Variants in SH3PXD2A observed in about 807,000 individuals in gnomAD.
The protein encoded by SH3PXD2A is SH3 and PX domain-containing protein 2A.
In SH3PXD2A, 32 loss-of-function variants were observed where a neutral mutation model predicts 115.2. The observed-to-expected ratio is 0.28, with a 90% CI of 0.21 to 0.37. SH3PXD2A has a LOEUF of 0.37. Ranked by LOEUF, SH3PXD2A falls within the 10% of genes least tolerant of loss-of-function variation. The probability of loss-of-function intolerance (pLI) is 1.00; values close to 1 mark genes in which losing one functional copy is unlikely to be tolerated. For missense variants in SH3PXD2A, 1,328 were observed against 1,498.7 expected (o/e 0.89, Z 1.88); for synonymous variants, 610 against 629.1 (o/e 0.97, Z 0.45).
rs60364879 is a variant in SH3PXD2A at position 103,753,317 on chromosome 10, C to CAAAAA, written c.229+13772_229+13776dup. Among the ~76,000 whole-genome samples the CAAAAA allele has an allele frequency of 5.6e-4, 35 of 62,866 alleles. 1 individual carries two copies. Among genetic ancestry groups the CAAAAA allele is most frequent in the African/African-American group, 1.8e-3 (28 of 15,970 alleles). The allele number at this position is 62,866 out of a possible 152,430, so 41.2% of individuals were successfully genotyped here. On this transcript the variant is annotated intron_variant, in intron 3 of 14. Transcript: ENST00000369774. ...CAACATGGTGAAACCCTGCCTCTACCAAAAAAAAAAAAAAAAAAAAAAAAA... is the reference window on the plus strand; with the variant it reads ...CAACATGGTGAAACCCTGCCTCTACCAAAAAAAAAAAAAAAAAAAAAAAAAAAAAA...
Position 103,627,209 on chromosome 10 carries a change from G to C in SH3PXD2A, c.605-7C>G, listed in dbSNP as rs2036711177. 1.9e-6 allele frequency: 3 copies of C among 1,566,530 alleles called. No individual in the cohort carries two copies. The highest frequency in any genetic ancestry group is 2.6e-6 in the Non-Finnish European group (3 of 1,137,060). On this transcript the variant is annotated splice_region_variant and splice_polypyrimidine_tract_variant and intron_variant, in intron 8 of 14. Transcript: ENST00000369774. The surrounding 1 kb of genome is among the most constrained non-coding windows in gnomAD (Gnocchi z 4.4). ...GTGCTCACGAACCACCAGCCTGCAGGGAGGACAAGAGAGAACAGGACTGTG... is the reference window on the plus strand; with the variant it reads ...GTGCTCACGAACCACCAGCCTGCAGCGAGGACAAGAGAGAACAGGACTGTG...
chr10:103,811,285 C>T (rs541442825), intron 1 of SH3PXD2A, among the ~76,000 whole-genome samples: 2 of 152,318 alleles, frequency 1.3e-5, no homozygotes, highest in East Asian at 3.9e-4. Context: ...GAAAAACAGT[C>T]CAAAGAGTCA....
At chr10:103,678,227 T>C in intron 6 of SH3PXD2A, 1 of 1,091,850 alleles carries the variant, frequency 9.2e-7, no homozygotes, top group South Asian at 1.3e-5. Flanking sequence ...AGCCTTTCCT[T>C]ACCCCATCCC....
At chr10:103,822,619 C>A (rs1293198371) in intron 1 of SH3PXD2A, among the ~76,000 whole-genome samples, 1 of 152,252 alleles carries the variant, frequency 6.6e-6, no homozygotes, top group Non-Finnish European at 1.5e-5. Context: ...AGGGCAGCCT[C>A]TTCCCAGGGA....
At chr10:103,831,153 T>A (rs2134303582) in intron 1 of SH3PXD2A, among the ~76,000 whole-genome samples, 1 of 152,384 alleles carries the variant, frequency 6.6e-6, no homozygotes, top group East Asian at 1.9e-4. Context: ...TTTCCATAAA[T>A]AATATTTACA....
chr10:103,845,121 C>T (rs1167077147), intron 1 of SH3PXD2A, among the ~76,000 whole-genome samples: 3 of 151,416 alleles, frequency 2.0e-5, no homozygotes, highest in Non-Finnish European at 4.4e-5. Context: ...GTCAGGAGTT[C>T]GAGATCAGCC....
At chr10:103,750,974 C>A (rs1330183453) in intron 3 of SH3PXD2A, among the ~76,000 whole-genome samples, 2 of 152,182 alleles carry the variant, frequency 1.3e-5, no homozygotes, top group Non-Finnish European at 2.9e-5. Flanking sequence ...GCTGGCACTG[C>A]CGCAGAACAC....
At chr10:103,778,280 C>T (rs965876744) in intron 2 of SH3PXD2A, among the ~76,000 whole-genome samples, 2 of 152,172 alleles carry the variant, frequency 1.3e-5, no homozygotes, top group Non-Finnish European at 2.9e-5. Context: ...TGCAGTGAAC[C>T]GAGATCGTGC....
At chr10:103,743,862 G>A (rs574981778) in intron 3 of SH3PXD2A, among the ~76,000 whole-genome samples, 53 of 152,336 alleles carry the variant, frequency 3.5e-4, no homozygotes, top group Admixed American at 1.0e-3. Flanking sequence ...GAATGGTACA[G>A]TGAGCCTTAT....
chr10:103,664,049 G>T (rs1340139004), intron 7 of SH3PXD2A, among the ~76,000 whole-genome samples: 1 of 152,236 alleles, frequency 6.6e-6, no homozygotes, highest in East Asian at 1.9e-4. Context: ...CAGAGGCAGC[G>T]CCGGGTGCTG....
At chr10:103,685,237 G>A (rs1308149125) in intron 6 of SH3PXD2A, among the ~76,000 whole-genome samples, 2 of 150,942 alleles carry the variant, frequency 1.3e-5, no homozygotes, top group African/African-American at 4.9e-5. Context: ...TACTTGGGAG[G>A]CTGAGGCAGG....
At chr10:103,660,735 G>A (rs1037885482) in intron 8 of SH3PXD2A, among the ~76,000 whole-genome samples, 5 of 152,228 alleles carry the variant, frequency 3.3e-5, no homozygotes, top group African/African-American at 1.2e-4. Context: ...CCCGCGCTGT[G>A]CCTGAAACGT....
chr10:103,632,995 C>T (rs1344988216), intron 8 of SH3PXD2A, among the ~76,000 whole-genome samples: 1 of 151,270 alleles, frequency 6.6e-6, no homozygotes, highest in Non-Finnish European at 1.5e-5. Flanking sequence ...AACAAACCTC[C>T]CCCCGGCCAA....
At chr10:103,767,268 C>G (rs557235493) in intron 2 of SH3PXD2A, 99 bp from the exon 3 acceptor site, 12 of 849,112 alleles carry the variant, frequency 1.4e-5, no homozygotes, top group Non-Finnish European at 2.4e-5. Flanking sequence ...CCCCAGTGTC[C>G]TCACACGGAT....
In SH3PXD2A at chr10:103,596,634, G is replaced by GACACACACAC. The variant is rs768968571; in HGVS notation, c.*5172_*5181dup. The GACACACACAC allele has an allele frequency of 9.2e-4, 101 of 109,390 alleles. No homozygotes were observed. Among genetic ancestry groups the GACACACACAC allele is most frequent in the Middle Eastern group, 4.8e-3 (1 of 210 alleles). The allele number at this position is 109,390 out of a possible 1,614,324, so 6.8% of individuals were successfully genotyped here. A position where few individuals can be genotyped will look rare whatever the true frequency, so the allele number is the denominator to read the frequency against. On this transcript the variant is annotated 3_prime_UTR_variant, in exon 15 of 15. Coordinates refer to ENST00000369774, the MANE Select transcript of SH3PXD2A (RefSeq NM_001394015.1). ...GAAGTTACCAACACTTGCATACACA[G>GACACACACAC]ACACACACACACACACACACACACA...
At chr10:103,692,991 G>A (rs781294332) in intron 6 of SH3PXD2A, 37 bp downstream of exon 6, 9 of 1,581,952 alleles carry the variant, frequency 5.7e-6, no homozygotes, top group South Asian at 1.1e-5. Flanking sequence ...GAAGCGGGAA[G>A]GAAGGCTGAA....
chr10:103,701,231 G>T (rs1388063333), intron 5 of SH3PXD2A, among the ~76,000 whole-genome samples: 6 of 109,696 alleles, frequency 5.5e-5, no homozygotes, highest in Admixed American at 5.0e-4. Flanking sequence ...CTACCATCCA[G>T]CCATCCATCA....
chr10:103,817,995 G>A (rs1402696181), intron 1 of SH3PXD2A, among the ~76,000 whole-genome samples: 1 of 152,154 alleles, frequency 6.6e-6, no homozygotes, highest in African/African-American at 2.4e-5. Context: ...AAATGACTGT[G>A]GTTGAGAGTT....
intron 1 of SH3PXD2A, among the ~76,000 whole-genome samples, chr10:103,801,924 G>T (rs192926178): frequency 6.6e-6 from 1 of 152,230 alleles, no homozygotes; most frequent in South Asian, 2.1e-4. Context: ...GGCTGGTCTC[G>T]AACTCCTGAC....
Sources: allele counts gnomAD v4.1 joint callset (sites outside exome capture counted in the v4.1 genomes callset), GRCh38; gene constraint gnomAD v4.1.1; non-coding constraint Gnocchi (gnomAD v3.1); transcripts MANE v1.5; gene names NCBI Gene and HGNC (gene_info 2026-07-23, HGNC 2026-07-21).